ADAM10: variants seen among roughly 807,000 people sequenced by gnomAD.
ADAM10 encodes the protein disintegrin and metalloproteinase domain-containing protein 10.
In ADAM10, 17 loss-of-function variants were observed where a neutral mutation model predicts 90.1. The ratio of observed to expected loss-of-function variants is 0.19; its 90% CI spans 0.13 to 0.28. ADAM10 has a LOEUF of 0.28. Among genes scored for constraint, ADAM10 ranks in the 10% least tolerant of loss-of-function variants. ADAM10 has a pLI of 1.00. For missense variants in ADAM10, 610 were observed against 914.3 expected (o/e 0.67, Z 4.29); for synonymous variants, 310 against 298.6 (o/e 1.04, Z -0.40).
intron 2 of ADAM10, among the ~76,000 whole-genome samples, chr15:58,705,856 A>C (rs1204238563): frequency 1.3e-5 from 2 of 152,160 alleles, no homozygotes; most frequent in Non-Finnish European, 2.9e-5. Flanking sequence ...CATTCACATA[A>C]CTTACAGTAG....
At chr15:58,698,327 T>G (rs1898032345) in intron 2 of ADAM10, 1 of 438,064 alleles carries the variant, frequency 2.3e-6, no homozygotes, top group African/African-American at 2.1e-5. Context: ...ATCCCAGCAC[T>G]GTGGGAGGCT....
At chr15:58,616,492 T>C (rs1169784756) in intron 11 of ADAM10, among the ~76,000 whole-genome samples, 3 of 152,136 alleles carry the variant, frequency 2.0e-5, no homozygotes, top group Admixed American at 6.5e-5. Flanking sequence ...TTAGAAACTG[T>C]ACAAACACAT....
At chr15:58,614,501 AG>A (rs1895546235) in intron 11 of ADAM10, among the ~76,000 whole-genome samples, 1 of 152,200 alleles carries the variant, frequency 6.6e-6, no homozygotes, top group Non-Finnish European at 1.5e-5. Context: ...GAAATTTCAC[AG>A]GCATGGAGAG....
At chr15:58,655,052 T>C (rs1163248870) in intron 5 of ADAM10, among the ~76,000 whole-genome samples, 1 of 152,196 alleles carries the variant, frequency 6.6e-6, no homozygotes, top group African/African-American at 2.4e-5. Flanking sequence ...TCTTTGTTGA[T>C]TTTCTGTCTG....
chr15:58,653,125 A>C (rs1273184355), intron 5 of ADAM10, among the ~76,000 whole-genome samples: 1 of 152,122 alleles, frequency 6.6e-6, no homozygotes. Context: ...GGTGGAGTCT[A>C]TGGGTTTTTC....
intron 2 of ADAM10, among the ~76,000 whole-genome samples, chr15:58,687,064 T>C (rs1897622216): frequency 6.6e-6 from 1 of 152,254 alleles, no homozygotes. Context: ...ATAAAAAATT[T>C]GTTCTTTTCT....
At chr15:58,689,115 C>G (rs1223323317) in intron 2 of ADAM10, among the ~76,000 whole-genome samples, 1 of 152,010 alleles carries the variant, frequency 6.6e-6, no homozygotes, top group Non-Finnish European at 1.5e-5. Context: ...TGCTGAAAAT[C>G]AGCGTTAAAG....
At chr15:58,721,802 T>A (rs1282936212) in intron 1 of ADAM10, among the ~76,000 whole-genome samples, 1 of 151,464 alleles carries the variant, frequency 6.6e-6, no homozygotes, top group Non-Finnish European at 1.5e-5. Flanking sequence ...CTGAGGGGGG[T>A]GAATCGCTTG....
chr15:58,640,632 TTA>T (rs1189132682), intron 8 of ADAM10, 143 bp downstream of exon 8: 2 of 760,220 alleles, frequency 2.6e-6, no homozygotes, highest in East Asian at 5.5e-5. Context: ...TACATTATGC[TTA>T]TGAGTCTTGC....
rs1272672578 is a variant in ADAM10, at chr15:58,686,385, G to C, written c.207-4071C>G. 3.3e-6 allele frequency: 3 copies of C among 909,674 alleles called. No homozygotes were observed. In the African/African-American group the frequency reaches 5.0e-5, roughly 15 times the overall value. 56.4% of individuals were successfully genotyped at this position (909,674 alleles called of 1,614,324 possible). A position where few individuals can be genotyped will look rare whatever the true frequency, so the allele number is the denominator to read the frequency against. On this transcript the variant is annotated intron_variant, in intron 2 of 15. Transcript: ENST00000260408. ...CTAATAAAGCTTAAAAACAAGGCTG[G>C]GCCCTCGGAGCCCAGCGCCGCCACC...
chr15:58,703,863 C>A, intron 2 of ADAM10: 1 of 152,868 alleles, frequency 6.5e-6, no homozygotes, highest in South Asian at 2.0e-4. Flanking sequence ...CCTGCAGAAC[C>A]ATGAGGCAAC....
At chr15:58,614,753 C>T (rs1895553565) in intron 11 of ADAM10, among the ~76,000 whole-genome samples, 1 of 152,046 alleles carries the variant, frequency 6.6e-6, no homozygotes. Flanking sequence ...ATTCCTGCAC[C>T]TGGAAGCAAA....
intron 11 of ADAM10, among the ~76,000 whole-genome samples, chr15:58,619,870 C>A (rs1895729053): frequency 6.6e-6 from 1 of 151,598 alleles, no homozygotes; most frequent in African/African-American, 2.4e-5. Flanking sequence ...CGCCACTGCA[C>A]CCCAGCCTGG....
At chr15:58,614,254 C>T (rs531927006) in intron 11 of ADAM10, among the ~76,000 whole-genome samples, 7 of 151,686 alleles carry the variant, frequency 4.6e-5, no homozygotes, top group Admixed American at 6.6e-5. Flanking sequence ...CACTGCACTC[C>T]AGCCTGGGTG....
At chr15:58,610,179 TAAAG>T in intron 14 of ADAM10, 114 bp downstream of exon 14, 1 of 824,034 alleles carries the variant, frequency 1.2e-6, no homozygotes, top group South Asian at 1.5e-5. Context: ...AATCTTCATA[TAAAG>T]TAATTCTAAT....
intron 10 of ADAM10, among the ~76,000 whole-genome samples, chr15:58,626,855 T>C (rs1320229912): frequency 6.6e-6 from 1 of 152,154 alleles, no homozygotes; most frequent in Non-Finnish European, 1.5e-5. Context: ...ATTGGGATGA[T>C]GAAAAAGTTT....
In ADAM10 at chr15:58,599,618, G is replaced by C. The variant is rs1438159370; in HGVS notation, c.2132C>G (p.Pro711Arg). The stretch of plus-strand genomic sequence containing the variant: ...CTTACCTGGAAGTGGTTTAGGAGGA[G>C]GCAACTTTGGATTACTACTTGGAGT... ...VHTPSSNPKL[P>R]PPKPLPGTLK... The change falls in exon 15 of 16, where the codon CCT becomes CGT. Residue 711 changes from proline (P) to arginine (R), a missense_variant. This residue lies in a region of ADAM10 where 150 missense variants were observed against 268.5 expected (regional missense o/e 0.56). Transcript: ENST00000260408. 6.2e-7 allele frequency: 1 copy of C among 1,613,362 alleles called. No homozygotes were observed. Among genetic ancestry groups the C allele is most frequent in the Admixed American group, 1.7e-5 (1 of 59,998 alleles).
At chr15:58,649,587 T>C (rs1174095765) in intron 5 of ADAM10, among the ~76,000 whole-genome samples, 1 of 152,216 alleles carries the variant, frequency 6.6e-6, no homozygotes. Flanking sequence ...TCCTAGAGGA[T>C]GGCAGTTTCT....
chr15:58,628,112 T>A (rs1895999341), intron 9 of ADAM10, among the ~76,000 whole-genome samples: 1 of 152,234 alleles, frequency 6.6e-6, no homozygotes, highest in Non-Finnish European at 1.5e-5. Context: ...TAACAATTTA[T>A]AGCTTTGTAA....
Sources: allele counts gnomAD v4.1 joint callset (sites outside exome capture counted in the v4.1 genomes callset), GRCh38; gene constraint gnomAD v4.1.1; regional missense constraint gnomAD v4.1.1; transcripts MANE v1.5; gene names NCBI Gene and HGNC (gene_info 2026-07-23, HGNC 2026-07-21).